The following CRAT variants were observed in gnomAD, a reference collection of about 807,000 sequenced individuals.
The protein encoded by CRAT is carnitine O-acetyltransferase, also known as carnitine acetylase.
In CRAT, 66 loss-of-function variants were observed where a neutral mutation model predicts 73.7. That is an observed-to-expected ratio of 0.90 (90% CI 0.73 to 1.10). The LOEUF is 1.10. Ranked by LOEUF, CRAT falls within the 50% of genes least tolerant of loss-of-function variation. The pLI, the probability that CRAT is intolerant of heterozygous loss-of-function variation, is 0.00. For missense variants in CRAT, 745 were observed against 846.9 expected, an observed-to-expected ratio of 0.88 and a Z score of 1.49; for synonymous variants, 321 against 343.2, an observed-to-expected ratio of 0.94 and a Z score of 0.71.
intron 8 of CRAT, 51 bp from the exon 9 acceptor site, chr9:129,098,701 G>T: frequency 6.4e-7 from 1 of 1,563,990 alleles, no homozygotes. Context: ...TAGAGCCTGG[G>T]TCCATTCTGG....
rs1001461380 is a variant in CRAT at position 129,110,648 on chromosome 9, C to T, written c.-139G>A. Reference sequence around the variant, plus strand: ...AGGTCGCTGAGTTACAGCCGCCAGCCGGTAGAGGCAGCCCCGCGCCCACCC... The same window carrying T: ...AGGTCGCTGAGTTACAGCCGCCAGCTGGTAGAGGCAGCCCCGCGCCCACCC... On this transcript the variant is annotated 5_prime_UTR_variant, in exon 1 of 14. Transcript: ENST00000318080. The surrounding 1 kb of genome is among the most constrained non-coding windows in gnomAD (Gnocchi z 5.3). 224 of 1,063,290 alleles carry T rather than the reference C, an allele frequency of 2.1e-4. 1 individual carries two copies. The highest frequency in any genetic ancestry group is 4.8e-5 in the Non-Finnish European group (38 of 788,054). The allele number at this position is 1,063,290 out of a possible 1,614,324, so 65.9% of individuals were successfully genotyped here.
rs1215611935 is a variant in CRAT, at chr9:129,109,988, G to A, written c.27+495C>T. On this transcript the variant is annotated intron_variant, in intron 1 of 13. Transcript: ENST00000318080. ...GAGACCATGGGGCTGCCACCTGCCA[G>A]TTCTGAGGCCTTTCTAGCTTGATGC... Among the ~76,000 whole-genome samples, 5 of 152,242 alleles carry A rather than the reference G, an allele frequency of 3.3e-5. No homozygotes were observed. In the East Asian group the frequency reaches 9.7e-4, roughly 29 times the overall value.
At chr9:129,097,394 C>A in intron 11 of CRAT, 82 bp from the exon 12 acceptor site, 1 of 1,111,340 alleles carries the variant, frequency 9.0e-7, no homozygotes, top group Non-Finnish European at 1.3e-6. Context: ...CCACCCAGCA[C>A]TAGATTCTGA....
chr9:129,098,614 G>C lies in CRAT; in HGVS notation c.1122C>G (p.Pro374=), dbSNP rs780151572. ...ACCGCAGCTTCTTGGGCATGGGCAG[G>C]GGCACCAGGGGAGACCGCACAAGCT... The part of the protein sequence containing the change: ...KPELVRSPLV[P]LPMPKKLRFN... The change falls in exon 9 of 14, where the codon CCC becomes CCG. Residue 374 remains proline (P), a synonymous_variant. Coordinates refer to ENST00000318080, the MANE Select transcript of CRAT (RefSeq NM_000755.5). 6 of 1,600,312 alleles carry C rather than the reference G, an allele frequency of 3.7e-6. No homozygotes were observed. Among genetic ancestry groups the C allele is most frequent in the Non-Finnish European group, 5.1e-6 (6 of 1,176,504 alleles).
rs1451296188 is a variant in CRAT, at chr9:129,103,122, G to C, written c.411-56C>G. 1 of 1,467,024 alleles carries C rather than the reference G, an allele frequency of 6.8e-7. No individual in the cohort carries two copies. Among genetic ancestry groups the C allele is most frequent in the African/African-American group, 1.4e-5 (1 of 71,838 alleles). The allele number at this position is 1,467,024 out of a possible 1,614,324, so 90.9% of individuals were successfully genotyped here. A position where few individuals can be genotyped will look rare whatever the true frequency, so the allele number is the denominator to read the frequency against. On this transcript the variant is annotated intron_variant, in intron 3 of 13. Coordinates refer to ENST00000318080, the MANE Select transcript of CRAT (RefSeq NM_000755.5). The surrounding 1 kb of genome is among the most constrained non-coding windows in gnomAD (Gnocchi z 4.6). Reference sequence around the variant, plus strand: ...CGTGGACACCCTGAGGGAGGCCCCGGGCTAGGGACACCTGCTTGGGGAGCG... The same window carrying C: ...CGTGGACACCCTGAGGGAGGCCCCGCGCTAGGGACACCTGCTTGGGGAGCG...
chr9:129,102,086 G>A, intron 5 of CRAT, 29 bp from the exon 6 acceptor site: 1 of 1,606,258 alleles, frequency 6.2e-7, no homozygotes, highest in South Asian at 1.1e-5. Context: ...GTAAGAGGAG[G>A]GAGCTGAGTG....
Position 129,107,444 on chromosome 9 carries a change from A to C in CRAT, c.291+370T>G. ...TACACCTGTGTCATAGATCAGATAC[A>C]GAACCTGGGCGATCGGTCACTGAGT... is the stretch of plus-strand genomic sequence containing the variant. On this transcript the variant is annotated intron_variant, in intron 2 of 13. Transcript: ENST00000318080. The surrounding 1 kb of genome is among the most constrained non-coding windows in gnomAD (Gnocchi z 5.0). The C allele has an allele frequency of 6.7e-6, 4 of 596,024 alleles. No individual in the cohort carries two copies. Among genetic ancestry groups the C allele is most frequent in the South Asian group, 6.0e-5 (3 of 49,646 alleles). The allele number at this position is 596,024 out of a possible 1,614,324, so 36.9% of individuals were successfully genotyped here.
chr9:129,096,028 G>A lies in CRAT; in HGVS notation c.1635C>T (p.Ile545=), dbSNP rs755872611. 1.2e-5 allele frequency: 19 copies of A among 1,613,940 alleles called. No homozygotes were observed. The highest frequency in any genetic ancestry group is 1.1e-4 in the South Asian group (10 of 91,096). ...TGGTGGAGAGGTGGAAGTGCATGGC[G>A]ATGGCGTAGGAGGTGTCCATGAAGA... ...PDIFMDTSYA[I]AMHFHLSTSQ... is the part of the protein sequence containing the mutation. The change falls in exon 13 of 14, where the codon ATC becomes ATT. Residue 545 remains isoleucine, a synonymous_variant. Coordinates refer to ENST00000318080, the MANE Select transcript of CRAT (RefSeq NM_000755.5).
chr9:129,104,404 C>G, intron 2 of CRAT, 98 bp from the exon 3 acceptor site: 1 of 867,576 alleles, frequency 1.2e-6, no homozygotes, highest in Non-Finnish European at 1.8e-6. Flanking sequence ...ATGCCCTCTA[C>G]CTGGCTATGG....
chr9:129,104,611 T>C (rs999327010), intron 2 of CRAT, among the ~76,000 whole-genome samples: 1 of 147,432 alleles, frequency 6.8e-6, no homozygotes, highest in African/African-American at 2.5e-5. Context: ...ACGAATTCTT[T>C]TTTTTTTTTT....
Position 129,107,901 on chromosome 9 carries a change from C to T in CRAT, c.204G>A (p.Gln68=), listed in dbSNP as rs746348017. Residue 68 remains glutamine (Q), a synonymous_variant, in exon 2 of 14, where the codon CAG becomes CAA. Transcript: ENST00000318080. This position sits in a 1 kb window ranked among gnomAD's most constrained non-coding sequence, Gnocchi z 5.0. ...VSEEEWAHTK[Q]LVDEFQASGG... ...CTGAGGCCTGAAACTCATCCACCAG[C>T]TGCTTGGTGTGGGCCCACTCCTCCT... 2 of 1,611,668 alleles carry T rather than the reference C, an allele frequency of 1.2e-6. No individual in the cohort carries two copies. Among genetic ancestry groups the T allele is most frequent in the South Asian group, 2.2e-5 (2 of 91,058 alleles).
chr9:129,097,914 G>A (rs919022836), intron 11 of CRAT, 99 bp downstream of exon 11: 14 of 1,509,140 alleles, frequency 9.3e-6, no homozygotes, highest in Non-Finnish European at 1.2e-5. Context: ...CCACCATGGG[G>A]CTGGAATCCT....
At chr9:129,099,381 C>T (rs1847510921) in intron 8 of CRAT, among the ~76,000 whole-genome samples, 1 of 150,568 alleles carries the variant, frequency 6.6e-6, no homozygotes, top group African/African-American at 2.5e-5. Context: ...TGATCCGCCT[C>T]CCAAAGTGCT....
At position 129,107,605 on chromosome 9, in the gene CRAT, C is replaced by G; in HGVS notation, c.291+209G>C. The stretch of plus-strand genomic sequence containing the variant: ...TCCACAACCTGTATCCTGTTCATTA[C>G]CTTTCTCTCCTCCCTACTTGAATGT... On this transcript the variant is annotated intron_variant, in intron 2 of 13. Transcript: ENST00000318080. This position sits in a 1 kb window ranked among gnomAD's most constrained non-coding sequence, Gnocchi z 5.0. 1.3e-6 allele frequency: 1 copy of G among 755,072 alleles called. No homozygotes were observed. 46.8% of individuals were successfully genotyped at this position (755,072 alleles called of 1,614,324 possible). A position where few individuals can be genotyped will look rare whatever the true frequency, so the allele number is the denominator to read the frequency against.
At chr9:129,102,362 A>G (rs1462485264) in intron 5 of CRAT, 38 bp downstream of exon 5, 6 of 1,611,624 alleles carry the variant, frequency 3.7e-6, no homozygotes, top group Admixed American at 3.3e-5. Context: ...CTCCTGCAGC[A>G]GGGCCGGGGC....
At chr9:129,109,901 G>C (rs1173532122) in intron 1 of CRAT, among the ~76,000 whole-genome samples, 5 of 151,482 alleles carry the variant, frequency 3.3e-5, no homozygotes, top group African/African-American at 1.2e-4. Flanking sequence ...ATATAGCCAG[G>C]GTGGGGAAGG....
rs1847737463 is a variant in CRAT, at chr9:129,102,435, G to T, written c.595C>A (p.Pro199Thr). The T allele has an allele frequency of 2.5e-6, 4 of 1,614,204 alleles. No homozygotes were observed. The highest frequency in any genetic ancestry group is 3.4e-6 in the Non-Finnish European group (4 of 1,180,016). Residue 199 changes from proline (P) to threonine (T), a missense_variant, in exon 5 of 14, where the codon CCT (proline) becomes ACT (threonine). Transcript: ENST00000318080. ...TGTACCACGGTGATGTGCGTGGGAG[G>T]CTTCTTGGTCTTGCTGAAGTTGCTG... ...TVSNFSKTKKPPTHITVVHNY... is the reference protein window; with the variant it reads ...TVSNFSKTKKTPTHITVVHNY...
intron 1 of CRAT, chr9:129,108,855 C>T: frequency 7.7e-7 from 1 of 1,303,886 alleles, no homozygotes; most frequent in Non-Finnish European, 1.0e-6. Flanking sequence ...CCTAACTGTG[C>T]TACAAAGTGA....
chr9:129,095,296 G>A lies in CRAT; in HGVS notation c.*101C>T. 1 of 1,285,408 alleles carries A rather than the reference G, an allele frequency of 7.8e-7. No individual in the cohort carries two copies. The highest frequency in any genetic ancestry group is 1.1e-6 in the Non-Finnish European group (1 of 916,294). The allele number at this position is 1,285,408 out of a possible 1,614,324, so 79.6% of individuals were successfully genotyped here. A position where few individuals can be genotyped will look rare whatever the true frequency, so the allele number is the denominator to read the frequency against. ...CAGTAGATTTGGGGGGACCAGGGAA[G>A]AGGGAACCAAGGAAGAGGGAACCAA... On this transcript the variant is annotated 3_prime_UTR_variant, in exon 14 of 14. Coordinates refer to ENST00000318080, the MANE Select transcript of CRAT (RefSeq NM_000755.5).
Sources: gnomAD v4.1 joint callset for allele counts (sites outside exome capture counted in the v4.1 genomes callset) on GRCh38, gnomAD v4.1.1 for gene constraint, Gnocchi (gnomAD v3.1) non-coding constraint, MANE v1.5 for transcripts, NCBI Gene and HGNC (gene_info 2026-07-23, HGNC 2026-07-21) for gene names.